Variants in NEGR1 observed in about 807,000 individuals in gnomAD.
NEGR1 encodes neuronal growth regulator 1.
Under a neutral mutation model 40.9 loss-of-function variants are expected in NEGR1, and 10 were observed. That is an observed-to-expected ratio of 0.24 (90% CI 0.15 to 0.42). The LOEUF (loss-of-function observed/expected upper bound fraction) is 0.42. Among genes scored for constraint, NEGR1 ranks in the 10% least tolerant of loss-of-function variants. The pLI is 1.00. For synonymous variants in NEGR1, 185 were observed against 166.8 expected, an observed-to-expected ratio of 1.11 and a Z score of -0.84; for missense variants, 352 against 438.9, an observed-to-expected ratio of 0.80 and a Z score of 1.77.
intron 4 of NEGR1, among the ~76,000 whole-genome samples, chr1:71,649,516 G>T (rs1299139199): frequency 6.6e-6 from 1 of 152,062 alleles, no homozygotes; most frequent in African/African-American, 2.4e-5. Context: ...GAAAATCATG[G>T]TCATGAGGCT....
intron 2 of NEGR1, among the ~76,000 whole-genome samples, chr1:71,918,577 C>A (rs77881014): frequency 0.018 from 2,706 of 152,066 alleles, 80 homozygotes; most frequent in African/African-American, 0.062. Context: ...TTCCAGGAGT[C>A]TTTACTAGGT....
intron 2 of NEGR1, among the ~76,000 whole-genome samples, chr1:71,850,624 T>C (rs763030258): frequency 6.6e-6 from 1 of 152,214 alleles, no homozygotes; most frequent in Non-Finnish European, 1.5e-5. Context: ...GGCAGAATGA[T>C]GAGAAATTAT....
intron 6 of NEGR1, among the ~76,000 whole-genome samples, chr1:71,425,659 A>T (rs1395107891): frequency 1.3e-5 from 2 of 152,136 alleles, no homozygotes; most frequent in African/African-American, 4.8e-5. Flanking sequence ...CACTTTTTTT[A>T]ATGTAAAATA....
At chr1:72,014,690 A>G (rs1051996414) in intron 1 of NEGR1, among the ~76,000 whole-genome samples, 1 of 152,056 alleles carries the variant, frequency 6.6e-6, no homozygotes, top group African/African-American at 2.4e-5. Context: ...TCAAATAATT[A>G]TTTCCAGCCT....
chr1:71,585,456 T>C (rs903350596), intron 6 of NEGR1, among the ~76,000 whole-genome samples: 1 of 152,056 alleles, frequency 6.6e-6, no homozygotes, highest in African/African-American at 2.4e-5. Flanking sequence ...AAACTCTAAT[T>C]TATTTTTCTA....
chr1:72,082,749 G>C (rs1043876503), intron 1 of NEGR1, among the ~76,000 whole-genome samples: 13 of 151,050 alleles, frequency 8.6e-5, no homozygotes, highest in Non-Finnish European at 1.8e-4. Flanking sequence ...TCCTGAGGGA[G>C]ACTTTACTCT....
intron 1 of NEGR1, among the ~76,000 whole-genome samples, chr1:71,987,631 T>C (rs767675661): frequency 6.6e-6 from 1 of 152,142 alleles, no homozygotes. Context: ...TTGGAGAAGA[T>C]ATCACAGAAG....
At chr1:71,631,154 T>C (rs1650956737) in intron 4 of NEGR1, among the ~76,000 whole-genome samples, 1 of 151,928 alleles carries the variant, frequency 6.6e-6, no homozygotes, top group African/African-American at 2.4e-5. Context: ...TCCACTGTTT[T>C]GCTTTTTGCC....
chr1:72,064,361 T>C (rs1324724896), intron 1 of NEGR1, among the ~76,000 whole-genome samples: 1 of 152,058 alleles, frequency 6.6e-6, no homozygotes, highest in Non-Finnish European at 1.5e-5. Context: ...CCCAGGCATG[T>C]AGAGGAGCTG....
At chr1:72,112,391 A>T (rs1255171343) in intron 1 of NEGR1, among the ~76,000 whole-genome samples, 1 of 151,578 alleles carries the variant, frequency 6.6e-6, no homozygotes, top group Non-Finnish European at 1.5e-5. Flanking sequence ...TTTTTCCAAA[A>T]TTTATTTTTT....
intron 1 of NEGR1, among the ~76,000 whole-genome samples, chr1:72,224,889 A>G (rs1044405868): frequency 1.6e-4 from 25 of 152,078 alleles, no homozygotes; most frequent in Admixed American, 8.5e-4. Context: ...CATAATTCTT[A>G]TAATTATTAA....
At chr1:71,834,945 A>T (rs1388507530) in intron 2 of NEGR1, among the ~76,000 whole-genome samples, 1 of 126,734 alleles carries the variant, frequency 7.9e-6, no homozygotes, top group Non-Finnish European at 1.7e-5. Flanking sequence ...AACACCCAAC[A>T]TGTAGTGACT....
intron 6 of NEGR1, among the ~76,000 whole-genome samples, chr1:71,422,242 C>T (rs777329375): frequency 1.3e-5 from 2 of 152,214 alleles, no homozygotes; most frequent in African/African-American, 2.4e-5. Flanking sequence ...TTCAATTTAA[C>T]GTTAAAAACA....
intron 1 of NEGR1, among the ~76,000 whole-genome samples, chr1:72,261,522 T>C (rs1348567328): frequency 6.6e-6 from 1 of 152,124 alleles, no homozygotes; most frequent in Non-Finnish European, 1.5e-5. Flanking sequence ...TCATATTAAA[T>C]ACTGAAAGGC....
intron 6 of NEGR1, among the ~76,000 whole-genome samples, chr1:71,588,273 A>G (rs1201928778): frequency 6.6e-6 from 1 of 152,112 alleles, no homozygotes; most frequent in Non-Finnish European, 1.5e-5. Context: ...AAAATAACAA[A>G]TATCTTTGAA....
intron 5 of NEGR1, among the ~76,000 whole-genome samples, chr1:71,598,234 T>G (rs1274788285): frequency 5.9e-5 from 9 of 152,098 alleles, no homozygotes; most frequent in Admixed American, 5.9e-4. Context: ...TATCTAAGTT[T>G]GGAGAGACAA....
chr1:71,428,198 T>C (rs1400438451), intron 6 of NEGR1, among the ~76,000 whole-genome samples: 1 of 152,202 alleles, frequency 6.6e-6, no homozygotes, highest in Non-Finnish European at 1.5e-5. Flanking sequence ...CCTCTTGTAT[T>C]TTCACAGCAG....
intron 1 of NEGR1, among the ~76,000 whole-genome samples, chr1:72,128,300 G>T (rs560659357): frequency 1.3e-5 from 2 of 152,288 alleles, no homozygotes; most frequent in Middle Eastern, 3.4e-3. Flanking sequence ...TCCCTTTAAA[G>T]ATAGCATATA....
chr1:72,219,746 G>C (rs1653949055), intron 1 of NEGR1, among the ~76,000 whole-genome samples: 1 of 152,014 alleles, frequency 6.6e-6, no homozygotes, highest in Admixed American at 6.6e-5. Context: ...CTGTTGTTAT[G>C]ATTAGGTTAA....
Sources: gnomAD v4.1 joint callset for allele counts (sites outside exome capture counted in the v4.1 genomes callset) on GRCh38, gnomAD v4.1.1 for gene constraint, MANE v1.5 for transcripts, NCBI Gene and HGNC (gene_info 2026-07-23, HGNC 2026-07-21) for gene names.